SCG5: variants seen among roughly 807,000 people sequenced by gnomAD.
SCG5 encodes the protein secretogranin V.
Under a neutral mutation model 25.7 loss-of-function variants are expected in SCG5, and 18 were observed. That is an observed-to-expected ratio of 0.70 (90% CI 0.48 to 1.04). The LOEUF (loss-of-function observed/expected upper bound fraction) is 1.04, where lower values mean the gene tolerates loss of function less well. Among genes scored for constraint, SCG5 ranks in the 50% least tolerant of loss-of-function variants. The pLI is 0.00. For missense variants in SCG5, 206 were observed against 259.8 expected (o/e 0.79, Z 1.42); for synonymous variants, 101 against 91.7 (o/e 1.10, Z -0.58).
chr15:32,691,858 A>G, intron 5 of SCG5, 95 bp downstream of exon 5: 1 of 1,554,020 alleles, frequency 6.4e-7, no homozygotes, highest in Non-Finnish European at 8.7e-7. Flanking sequence ...GGGAAGTCAC[A>G]GAATCCTCCC....
At chr15:32,674,643 G>A (rs2054500039) in intron 2 of SCG5, among the ~76,000 whole-genome samples, 1 of 152,182 alleles carries the variant, frequency 6.6e-6, no homozygotes, top group Admixed American at 6.5e-5. Context: ...TTGTCCTTGG[G>A]AGTGCTGTTG....
intron 5 of SCG5, among the ~76,000 whole-genome samples, chr15:32,693,414 C>A (rs925782272): frequency 1.3e-5 from 2 of 152,152 alleles, no homozygotes; most frequent in African/African-American, 4.8e-5. Flanking sequence ...CCAGAGATAT[C>A]AAGTTCTTCC....
intron 2 of SCG5, among the ~76,000 whole-genome samples, chr15:32,670,467 TG>T (rs1033792376): frequency 9.2e-5 from 14 of 152,258 alleles, no homozygotes; most frequent in African/African-American, 3.1e-4. Flanking sequence ...CTGTGTGCTT[TG>T]GGGGTCACTT....
At chr15:32,688,153 C>T (rs1238870730) in intron 4 of SCG5, among the ~76,000 whole-genome samples, 1 of 152,108 alleles carries the variant, frequency 6.6e-6, no homozygotes, top group Non-Finnish European at 1.5e-5. Context: ...TGGCTCATTG[C>T]TCCTAACCTG....
chr15:32,687,053 G>A (rs1402317126), intron 4 of SCG5, among the ~76,000 whole-genome samples: 2 of 145,568 alleles, frequency 1.4e-5, no homozygotes, highest in African/African-American at 4.9e-5. Context: ...TTCACCAGTA[G>A]GCTAGGAATG....
chr15:32,688,958 CAAAAA>C (rs778404784), intron 4 of SCG5, among the ~76,000 whole-genome samples: 980 of 46,406 alleles, frequency 0.021, 21 homozygotes, highest in African/African-American at 0.052. Context: ...GACTCCGTCT[CAAAAA>C]AAAAAAAAAA....
At chr15:32,686,141 T>C (rs2054704468) in intron 4 of SCG5, among the ~76,000 whole-genome samples, 1 of 152,278 alleles carries the variant, frequency 6.6e-6, no homozygotes, top group Non-Finnish European at 1.5e-5. Flanking sequence ...TTATTCCATT[T>C]CCTTCTTTTT....
At chr15:32,655,310 C>CA (rs1288752241) in intron 2 of SCG5, among the ~76,000 whole-genome samples, 132 of 131,276 alleles carry the variant, frequency 1.0e-3, no homozygotes, top group African/African-American at 2.1e-3. Context: ...TCTGTCTGAA[C>CA]AAAAAAAAAA....
chr15:32,694,305 A>G (rs926305890), intron 5 of SCG5, among the ~76,000 whole-genome samples: 2 of 152,156 alleles, frequency 1.3e-5, no homozygotes, highest in Admixed American at 1.3e-4. Flanking sequence ...TGAGAGATAG[A>G]TTCTCCTCAA....
chr15:32,653,519 A>G (rs2140510030), intron 2 of SCG5, among the ~76,000 whole-genome samples: 1 of 152,358 alleles, frequency 6.6e-6, no homozygotes, highest in African/African-American at 2.4e-5. Flanking sequence ...AGAGAAACAG[A>G]CAAACAGAAC....
intron 1 of SCG5, among the ~76,000 whole-genome samples, chr15:32,642,572 A>C (rs2053882468): frequency 2.1e-5 from 3 of 141,662 alleles, no homozygotes; most frequent in African/African-American, 8.8e-5. Flanking sequence ...CCGTCTCAAA[A>C]AAAAAAAAAA....
intron 4 of SCG5, among the ~76,000 whole-genome samples, chr15:32,690,410 G>A (rs1417626550): frequency 6.6e-6 from 1 of 152,212 alleles, no homozygotes; most frequent in Non-Finnish European, 1.5e-5. Flanking sequence ...TCACAGAAAG[G>A]CAACCACAGA....
intron 4 of SCG5, among the ~76,000 whole-genome samples, chr15:32,691,244 C>T (rs774060531): frequency 1.1e-4 from 17 of 152,188 alleles, no homozygotes; most frequent in Admixed American, 3.3e-4. Flanking sequence ...ACTGACTTAA[C>T]GCCACAGACA....
At chr15:32,689,429 A>G (rs986407854) in intron 4 of SCG5, among the ~76,000 whole-genome samples, 9 of 152,082 alleles carry the variant, frequency 5.9e-5, no homozygotes, top group Non-Finnish European at 1.0e-4. Flanking sequence ...TTTCCTTCCT[A>G]GCCCTGGAAT....
At chr15:32,644,236 C>T (rs1405170772) in intron 2 of SCG5, among the ~76,000 whole-genome samples, 2 of 152,274 alleles carry the variant, frequency 1.3e-5, no homozygotes, top group South Asian at 2.1e-4. Context: ...ATTGTGTCAT[C>T]AGATAGCTGC....
intron 2 of SCG5, among the ~76,000 whole-genome samples, chr15:32,668,171 C>A (rs1057504734): frequency 2.0e-5 from 3 of 152,186 alleles, no homozygotes; most frequent in African/African-American, 7.2e-5. Context: ...CACCCCACCA[C>A]CAGCTGCCAA....
At chr15:32,648,180 A>G (rs28409665) in intron 2 of SCG5, among the ~76,000 whole-genome samples, 52,328 of 151,968 alleles carry the variant, frequency 0.34, 9,492 homozygotes, top group East Asian at 0.52. Flanking sequence ...ACCTACAGTA[A>G]CCCTTGATTT....
chr15:32,649,684 G>A (rs2054002160), intron 2 of SCG5, among the ~76,000 whole-genome samples: 1 of 152,056 alleles, frequency 6.6e-6, no homozygotes, highest in Admixed American at 6.5e-5. Flanking sequence ...CTCCGTGGGC[G>A]CCTTAAAAAC....
At chr15:32,652,200 G>A (rs886574685) in intron 2 of SCG5, among the ~76,000 whole-genome samples, 1 of 152,170 alleles carries the variant, frequency 6.6e-6, no homozygotes, top group African/African-American at 2.4e-5. Flanking sequence ...GTGTTCACTG[G>A]GGGTAGCAAC....
Sources: gnomAD v4.1 joint callset for allele counts (sites outside exome capture counted in the v4.1 genomes callset) on GRCh38, gnomAD v4.1.1 for gene constraint, MANE v1.5 for transcripts, NCBI Gene and HGNC (gene_info 2026-07-23, HGNC 2026-07-21) for gene names.